Variants in RBFOX3 observed in about 807,000 individuals in gnomAD.
RBFOX3 encodes the protein RNA binding protein fox-1 homolog 3.
In RBFOX3, 17 loss-of-function variants were observed where a neutral mutation model predicts 48.7. The ratio of observed to expected loss-of-function variants is 0.35; its 90% CI spans 0.24 to 0.52. The LOEUF (loss-of-function observed/expected upper bound fraction) is 0.52, where lower values mean the gene tolerates loss of function less well. RBFOX3 is among the 20% of genes least tolerant of loss of function. RBFOX3 has a pLI of 0.94. For missense variants in RBFOX3, 382 were observed against 497.5 expected (o/e 0.77, Z 2.21); for synonymous variants, 212 against 209.5 (o/e 1.01, Z -0.10).
chr17:79,637,839 G>A, the RBFOX3 span, among the ~76,000 whole-genome samples: 1 of 147,858 alleles, frequency 6.8e-6, no homozygotes, highest in Non-Finnish European at 1.5e-5. Context: ...AAGGGGAAAA[G>A]GGAAAGGAAA....
intron 1 of RBFOX3, among the ~76,000 whole-genome samples, chr17:79,492,946 C>T (rs1447182733): frequency 6.6e-6 from 1 of 152,130 alleles, no homozygotes; most frequent in Admixed American, 6.5e-5. Context: ...ACAACAAAAT[C>T]CCAAGGATGA....
At chr17:79,382,080 G>A (rs1005695400) in intron 2 of RBFOX3, among the ~76,000 whole-genome samples, 28 of 152,200 alleles carry the variant, frequency 1.8e-4, no homozygotes, top group East Asian at 1.9e-4. Context: ...CACACACTGC[G>A]GGACCCACAG....
chr17:79,213,008 G>C (rs575062133), intron 4 of RBFOX3, among the ~76,000 whole-genome samples: 4 of 151,824 alleles, frequency 2.6e-5, no homozygotes, highest in African/African-American at 9.6e-5. Context: ...GCATGCGCCT[G>C]TAATGCCCAG....
intron 2 of RBFOX3, among the ~76,000 whole-genome samples, chr17:79,345,093 T>C (rs1386103428): frequency 6.6e-6 from 1 of 152,216 alleles, no homozygotes; most frequent in Non-Finnish European, 1.5e-5. Context: ...TTCTCTGTTG[T>C]TTTTGCTGAA....
chr17:79,445,238 T>C (rs1009611821), intron 2 of RBFOX3, among the ~76,000 whole-genome samples: 1 of 152,204 alleles, frequency 6.6e-6, no homozygotes, highest in East Asian at 1.9e-4. Flanking sequence ...GGCAGACATA[T>C]GCTTTCATTT....
intron 4 of RBFOX3, among the ~76,000 whole-genome samples, chr17:79,177,210 C>T (rs576183047): frequency 1.8e-4 from 19 of 106,184 alleles, no homozygotes; most frequent in Non-Finnish European, 2.2e-4. Context: ...CTCCTCCTCT[C>T]CCCCCCCGCC....
chr17:79,294,024 G>A (rs774834111), intron 3 of RBFOX3, among the ~76,000 whole-genome samples: 1 of 152,290 alleles, frequency 6.6e-6, no homozygotes, highest in African/African-American at 2.4e-5. Context: ...TCACCTGTCC[G>A]ACTTCCAGAG....
intron 1 of RBFOX3, among the ~76,000 whole-genome samples, chr17:79,498,868 T>TCCTCCATC (rs1555776022): frequency 1.5e-5 from 2 of 135,650 alleles, no homozygotes; most frequent in African/African-American, 5.6e-5. Flanking sequence ...ACCCATTCGC[T>TCCTCCATC]CATCCATCCA....
intron 3 of RBFOX3, among the ~76,000 whole-genome samples, chr17:79,278,339 G>A (rs1301943784): frequency 6.6e-6 from 1 of 152,224 alleles, no homozygotes; most frequent in Non-Finnish European, 1.5e-5. Flanking sequence ...CTGGTTCCTG[G>A]TACCCCAGAA....
intron 2 of RBFOX3, among the ~76,000 whole-genome samples, chr17:79,356,605 G>C (rs1250300053): frequency 6.6e-6 from 1 of 151,692 alleles, no homozygotes; most frequent in Non-Finnish European, 1.5e-5. Context: ...CTGACCTCAG[G>C]TGACCCACCC....
chr17:79,237,402 C>T (rs1235284969), intron 3 of RBFOX3, among the ~76,000 whole-genome samples: 1 of 152,168 alleles, frequency 6.6e-6, no homozygotes, highest in African/African-American at 2.4e-5. Context: ...TCTTACTCTT[C>T]CCATTCTTCA....
At chr17:79,181,962 A>AACACACAC (rs56842759) in intron 4 of RBFOX3, among the ~76,000 whole-genome samples, 181 of 148,406 alleles carry the variant, frequency 1.2e-3, no homozygotes, top group Admixed American at 3.2e-3. Context: ...GTCTCCAAGA[A>AACACACAC]ACACACACAC....
intron 2 of RBFOX3, among the ~76,000 whole-genome samples, chr17:79,446,402 G>A (rs1218617777): frequency 1.3e-5 from 2 of 152,158 alleles, no homozygotes; most frequent in Non-Finnish European, 2.9e-5. Flanking sequence ...TCATGCCTGG[G>A]GTCTCACATA....
At position 79,421,492 on chromosome 17, in the gene RBFOX3, C is replaced by T. The variant is rs147281472; in HGVS notation, c.-175+60962G>A. Among the ~76,000 whole-genome samples, 54 of 152,216 alleles carry T rather than the reference C, an allele frequency of 3.5e-4. No individual in the cohort carries two copies. Among genetic ancestry groups the T allele is most frequent in the Non-Finnish European group, 5.1e-4 (35 of 68,010 alleles). On this transcript the variant is annotated intron_variant, in intron 2 of 14. Transcript: ENST00000693108. The surrounding 1 kb of genome is among the most constrained non-coding windows in gnomAD (Gnocchi z 4.5). The stretch of plus-strand genomic sequence containing the variant: ...GGACAGCAGCTCTCAGCCCCTCCCC[C>T]TGAAGAAAGCATGTGGGGAGGGACA...
intron 2 of RBFOX3, among the ~76,000 whole-genome samples, chr17:79,356,368 T>TTTTGTTTTTGG (rs2085075264): frequency 1.0e-5 from 1 of 97,738 alleles, no homozygotes; most frequent in Non-Finnish European, 2.2e-5. Flanking sequence ...TTTTTTTTTT[T>TTTTGTTTTTGG]TTTTTTTTTT....
chr17:79,507,881 G>C (rs1341358817), intron 1 of RBFOX3, among the ~76,000 whole-genome samples: 1 of 152,216 alleles, frequency 6.6e-6, no homozygotes, highest in Non-Finnish European at 1.5e-5. Flanking sequence ...CCTGGGCCTG[G>C]GCAGCCCATC....
intron 2 of RBFOX3, among the ~76,000 whole-genome samples, chr17:79,378,475 G>A (rs1280604392): frequency 3.3e-5 from 5 of 152,270 alleles, no homozygotes; most frequent in Admixed American, 6.5e-5. Flanking sequence ...AAAAAATATC[G>A]CACTTGCCCA....
intron 2 of RBFOX3, among the ~76,000 whole-genome samples, chr17:79,447,774 T>C (rs1350652356): frequency 6.6e-6 from 1 of 152,230 alleles, no homozygotes; most frequent in Non-Finnish European, 1.5e-5. Flanking sequence ...TGGGCCGTGC[T>C]GAGGGGCGGC....
chr17:79,381,190 G>A (rs1187167838), intron 2 of RBFOX3, among the ~76,000 whole-genome samples: 3 of 151,932 alleles, frequency 2.0e-5, no homozygotes, highest in Non-Finnish European at 4.4e-5. Context: ...AAGCTGGGAG[G>A]CGGAGGTTGC....
Sources: allele counts gnomAD v4.1 joint callset (sites outside exome capture counted in the v4.1 genomes callset), GRCh38; gene constraint gnomAD v4.1.1; non-coding constraint Gnocchi (gnomAD v3.1); transcripts MANE v1.5; gene names NCBI Gene and HGNC (gene_info 2026-07-23, HGNC 2026-07-21).